ARG1: variants seen among roughly 807,000 people sequenced by gnomAD.
The protein encoded by ARG1 is arginase-1.
In ARG1, 20 loss-of-function variants were observed where a neutral mutation model predicts 33.0. That is an observed-to-expected ratio of 0.61 (90% CI 0.43 to 0.88). The LOEUF is 0.88. Ranked by LOEUF, ARG1 falls within the 40% of genes least tolerant of loss-of-function variation. The pLI is 0.00. For missense variants in ARG1, 374 were observed against 384.7 expected (o/e 0.97, Z 0.23); for synonymous variants, 146 against 140.6 (o/e 1.04, Z -0.27).
intron 7 of ARG1, 125 bp downstream of exon 7, chr6:131,583,616 A>G: frequency 3.3e-6 from 5 of 1,520,650 alleles, no homozygotes; most frequent in East Asian, 2.4e-5. Flanking sequence ...ACATGATGCA[A>G]TAACTAAAGT....
At position 131,584,104 on chromosome 6, in the gene ARG1, C is replaced by T. The variant is rs1021313033; in HGVS notation, c.*196C>T. ...TTCTAACTTTTTTGAAATTTAAAAGCTTATATTTTCTAACTTGGCAAAAGA... is the reference window on the plus strand; with the variant it reads ...TTCTAACTTTTTTGAAATTTAAAAGTTTATATTTTCTAACTTGGCAAAAGA... On this transcript the variant is annotated 3_prime_UTR_variant, in exon 8 of 8. Coordinates refer to ENST00000368087, the MANE Select transcript of ARG1 (RefSeq NM_000045.4). 1.6e-6 allele frequency: 1 copy of T among 622,822 alleles called. No homozygotes were observed. Among genetic ancestry groups the T allele is most frequent in the East Asian group, 3.0e-5 (1 of 33,548 alleles). The allele number at this position is 622,822 out of a possible 1,614,324, so 38.6% of individuals were successfully genotyped here. A position where few individuals can be genotyped will look rare whatever the true frequency, so the allele number is the denominator to read the frequency against.
chr6:131,574,917 T>C (rs895967743), intron 1 of ARG1, among the ~76,000 whole-genome samples: 24 of 152,200 alleles, frequency 1.6e-4, no homozygotes, highest in African/African-American at 5.8e-4. Flanking sequence ...CCAGACAAGA[T>C]AATCTGATTC....
rs1230510854 is a variant in ARG1 at position 131,583,054 on chromosome 6, T to C, written c.561-6T>C. On this transcript the variant is annotated splice_region_variant and splice_polypyrimidine_tract_variant and intron_variant, in intron 5 of 7. Coordinates refer to ENST00000368087, the MANE Select transcript of ARG1 (RefSeq NM_000045.4). ...AATTATAATTATCTTAATTTCTCTT[T>C]TATAGCTACATTTTGAAAACTCTAG... The C allele has an allele frequency of 3.1e-6, 5 of 1,601,942 alleles. No homozygotes were observed. In the African/African-American group the frequency reaches 6.7e-5, roughly 22 times the overall value.
At chr6:131,577,068 T>C (rs2246012) in intron 2 of ARG1, among the ~76,000 whole-genome samples, 26,003 of 152,136 alleles carry the variant, frequency 0.17, 2,529 homozygotes, top group East Asian at 0.35. Context: ...AGTATGCTAC[T>C]AGCAAGAGGA....
chr6:131,583,214 C>G (rs369360991), intron 6 of ARG1, 50 bp downstream of exon 6: 2 of 1,594,444 alleles, frequency 1.3e-6, no homozygotes, highest in Admixed American at 3.3e-5. Flanking sequence ...GAAAAGGTTG[C>G]TACTGACAAC....
In ARG1 at chr6:131,583,093, T is replaced by C. The variant is rs149496218; in HGVS notation, c.594T>C (p.Phe198=). ...TGAAAACTCTAGGCATTAAATACTT[T>C]TCAATGACTGAAGTGGACAGACTAG... ...YILKTLGIKY[F]SMTEVDRLGI... is the part of the protein sequence containing the mutation. Residue 198 remains phenylalanine, a synonymous_variant, in exon 6 of 8, where the codon TTT becomes TTC. Coordinates refer to ENST00000368087, the MANE Select transcript of ARG1 (RefSeq NM_000045.4). 605 of 1,613,922 alleles carry C rather than the reference T, an allele frequency of 3.7e-4. 8 individuals carry two copies. In the East Asian group the frequency reaches 0.012, roughly 32 times the overall value.
At chr6:131,575,570 C>T (rs1773574919) in intron 1 of ARG1, among the ~76,000 whole-genome samples, 1 of 152,198 alleles carries the variant, frequency 6.6e-6, no homozygotes, top group Admixed American at 6.5e-5. Flanking sequence ...GGCAAGTCTT[C>T]TGTTCCTTTG....
chr6:131,574,064 C>CT (rs374040136), intron 1 of ARG1: 55 of 593,474 alleles, frequency 9.3e-5, no homozygotes, highest in Middle Eastern at 4.6e-4. Flanking sequence ...ATTGAATACA[C>CT]TTTTTTTTCT....
chr6:131,584,114 C>A lies in ARG1; in HGVS notation c.*206C>A. 1.7e-6 allele frequency: 1 copy of A among 595,122 alleles called. No individual in the cohort carries two copies. The highest frequency in any genetic ancestry group is 2.1e-5 in the South Asian group (1 of 46,870). The allele number at this position is 595,122 out of a possible 1,614,324, so 36.9% of individuals were successfully genotyped here. A position where few individuals can be genotyped will look rare whatever the true frequency, so the allele number is the denominator to read the frequency against. On this transcript the variant is annotated 3_prime_UTR_variant, in exon 8 of 8. Coordinates refer to ENST00000368087, the MANE Select transcript of ARG1 (RefSeq NM_000045.4). ...TTTGAAATTTAAAAGCTTATATTTT[C>A]TAACTTGGCAAAAGACTTATCCTTA... is the stretch of plus-strand genomic sequence containing the variant.
chr6:131,581,214 A>G lies in ARG1; in HGVS notation c.306-5A>G, dbSNP rs777553747. The G allele has an allele frequency of 1.8e-5, 29 of 1,613,688 alleles. No individual in the cohort carries two copies. Among genetic ancestry groups the G allele is most frequent in the Middle Eastern group, 1.6e-4 (1 of 6,076 alleles). On this transcript the variant is annotated splice_polypyrimidine_tract_variant and splice_region_variant and intron_variant, in intron 3 of 7. Transcript: ENST00000368087. ...GATGTTCACACAAAATTTTTTCCCCAAAAGTTTGGCAATTGGAAGCATCTC... is the reference window on the plus strand; with the variant it reads ...GATGTTCACACAAAATTTTTTCCCCGAAAGTTTGGCAATTGGAAGCATCTC...
Position 131,583,941 on chromosome 6 carries a change from A to C in ARG1, c.*33A>C. 3 of 1,604,620 alleles carry C rather than the reference A, an allele frequency of 1.9e-6. No individual in the cohort carries two copies. The highest frequency in any genetic ancestry group is 2.6e-6 in the Non-Finnish European group (3 of 1,171,616). ...AACATCCGATATAAATCTCATAGTT[A>C]ATGGCATAATTAGAAAGCTAATCAT... On this transcript the variant is annotated 3_prime_UTR_variant, in exon 8 of 8. Coordinates refer to ENST00000368087, the MANE Select transcript of ARG1 (RefSeq NM_000045.4).
In ARG1 at chr6:131,583,500, C is replaced by G. The variant is rs1317661902; in HGVS notation, c.802+9C>G. The G allele has an allele frequency of 1.2e-6, 2 of 1,614,030 alleles. No homozygotes were observed. The highest frequency in any genetic ancestry group is 1.7e-6 in the Non-Finnish European group (2 of 1,179,936). On this transcript the variant is annotated intron_variant, in intron 7 of 7. Transcript: ENST00000368087. ...AGAAATCTACAAAACAGGTAGTTAACAATCTGAGGTAATAGAGAAGCAAGT... is the reference window on the plus strand; with the variant it reads ...AGAAATCTACAAAACAGGTAGTTAAGAATCTGAGGTAATAGAGAAGCAAGT...
Position 131,583,763 on chromosome 6 carries a change from T to C in ARG1, c.824T>C (p.Ile275Thr), listed in dbSNP as rs769207030. The C allele has an allele frequency of 8.7e-6, 14 of 1,613,890 alleles. No individual in the cohort carries two copies. Among genetic ancestry groups the C allele is most frequent in the African/African-American group, 1.3e-5 (1 of 74,930 alleles). Residue 275 changes from isoleucine (I) to threonine (T), a missense_variant, in exon 8 of 8, where the codon ATA becomes ACA. Ile to Thr is a moderately conservative substitution (Grantham distance 89). Coordinates refer to ENST00000368087, the MANE Select transcript of ARG1 (RefSeq NM_000045.4). Reference sequence around the variant, plus strand: ...GTAGGGCTACTCTCAGGATTAGATATAATGGAAGTGAACCCATCCCTGGGG... The same window carrying C: ...GTAGGGCTACTCTCAGGATTAGATACAATGGAAGTGAACCCATCCCTGGGG... Reference protein sequence around the residue: ...YKTGLLSGLDIMEVNPSLGKT... With the variant: ...YKTGLLSGLDTMEVNPSLGKT...
chr6:131,582,988 T>C, intron 5 of ARG1, 72 bp from the exon 6 acceptor site: 1 of 1,054,650 alleles, frequency 9.5e-7, no homozygotes, highest in Admixed American at 2.2e-5. Flanking sequence ...TATATTTATA[T>C]TTCCCTTAAA....
At chr6:131,578,007 T>A (rs1191041651) in intron 2 of ARG1, among the ~76,000 whole-genome samples, 1 of 151,952 alleles carries the variant, frequency 6.6e-6, no homozygotes, top group Admixed American at 6.6e-5. Context: ...CATGTATGAT[T>A]CCACTGATAC....
intron 2 of ARG1, among the ~76,000 whole-genome samples, chr6:131,578,736 C>T (rs1179676142): frequency 6.6e-6 from 1 of 152,036 alleles, no homozygotes; most frequent in Non-Finnish European, 1.5e-5. Context: ...CAAAATGAAG[C>T]ATGCTTACTA....
intron 1 of ARG1, 65 bp from the exon 2 acceptor site, chr6:131,576,598 G>A (rs1485065130): frequency 1.4e-6 from 2 of 1,447,306 alleles, no homozygotes; most frequent in Admixed American, 1.7e-5. Context: ...AATGAAAAGG[G>A]TTCCTGCTGT....
Position 131,583,811 on chromosome 6 carries a change from G to A in ARG1, c.872G>A (p.Arg291Gln), listed in dbSNP as rs760574009. 35 of 1,613,960 alleles carry A rather than the reference G, an allele frequency of 2.2e-5. No individual in the cohort carries two copies. The highest frequency in any genetic ancestry group is 4.5e-5 in the East Asian group (2 of 44,862). The change falls in exon 8 of 8, where the codon CGA (arginine) becomes CAA (glutamine). Residue 291 changes from arginine (R) to glutamine (Q), a missense_variant. Arg to Gln is a conservative substitution (Grantham distance 43, BLOSUM62 1). Transcript: ENST00000368087. ...GGGAAGACACCAGAAGAAGTAACTC[G>A]AACAGTGAACACAGCAGTTGCAATA... ...SLGKTPEEVT[R>Q]TVNTAVAITL... is the part of the protein sequence containing the mutation.
rs1398269910 is a variant in ARG1 at position 131,581,363 on chromosome 6, G to A, written c.450G>A (p.Lys150=). Reference sequence around the variant, plus strand: ...GACAACCTGTATCTTTCCTCCTGAAGGAACTAAAAGGAAAGGTAAAAGACT... The same window carrying A: ...GACAACCTGTATCTTTCCTCCTGAAAGAACTAAAAGGAAAGGTAAAAGACT... ...LHGQPVSFLL[K]ELKGKIPDVP... The change falls in exon 4 of 8, where the codon AAG becomes AAA. Residue 150 remains lysine, a synonymous_variant. Transcript: ENST00000368087. 6.2e-7 allele frequency: 1 copy of A among 1,612,946 alleles called. No homozygotes were observed. Among genetic ancestry groups the A allele is most frequent in the East Asian group, 2.2e-5 (1 of 44,790 alleles).
Sources: allele counts gnomAD v4.1 joint callset (sites outside exome capture counted in the v4.1 genomes callset), GRCh38; gene constraint gnomAD v4.1.1; transcripts MANE v1.5; gene names NCBI Gene and HGNC (gene_info 2026-07-23, HGNC 2026-07-21).